Variants in GREB1 observed in about 807,000 individuals in gnomAD.
GREB1 encodes protein GREB1.
GREB1 carries 106 observed loss-of-function variants against 200.7 expected under a neutral mutation model. The observed-to-expected ratio is 0.53, with a 90% CI of 0.45 to 0.62. GREB1 has a LOEUF of 0.62. GREB1 is among the 20% of genes least tolerant of loss of function. The pLI, the probability that GREB1 is intolerant of heterozygous loss-of-function variation, is 0.00. For missense variants in GREB1, 2,243 were observed against 2,556.8 expected, an observed-to-expected ratio of 0.88 and a Z score of 2.65; for synonymous variants, 1,132 against 1,092.4, an observed-to-expected ratio of 1.04 and a Z score of -0.72.
At chr2:11,514,985 TCC>T (rs1367829256) in intron 1 of GREB1, among the ~76,000 whole-genome samples, 11 of 151,838 alleles carry the variant, frequency 7.2e-5, no homozygotes, top group East Asian at 3.9e-4. Flanking sequence ...CATCCATCCA[TCC>T]GCGCATGTGT....
intron 1 of GREB1, among the ~76,000 whole-genome samples, chr2:11,541,374 T>C (rs1674726127): frequency 6.6e-6 from 1 of 151,676 alleles, no homozygotes; most frequent in Non-Finnish European, 1.5e-5. Context: ...GAGGAGAGGG[T>C]ATCACACCGC....
chr2:11,495,795 C>CCTTTTTTTTT (rs1393933225), intron 1 of GREB1, among the ~76,000 whole-genome samples: 6 of 140,462 alleles, frequency 4.3e-5, no homozygotes, highest in African/African-American at 1.6e-4. Flanking sequence ...TAAGTCCCCC[C>CCTTTTTTTTT]GTTTTTTTTT....
chr2:11,509,466 G>A (rs887619317), intron 1 of GREB1, among the ~76,000 whole-genome samples: 1 of 27,818 alleles, frequency 3.6e-5, no homozygotes. Context: ...ATCTCTAAAG[G>A]TGTTCTCTTT....
intron 30 of GREB1, among the ~76,000 whole-genome samples, chr2:11,636,241 G>A (rs1472695539): frequency 2.0e-5 from 3 of 152,174 alleles, no homozygotes; most frequent in African/African-American, 4.8e-5. Flanking sequence ...GAGATCTTAC[G>A]ATTGTGTGAG....
chr2:11,598,060 T>G (rs1681428494), intron 14 of GREB1, 82 bp downstream of exon 14: 4 of 1,005,186 alleles, frequency 4.0e-6, no homozygotes, highest in Admixed American at 1.7e-5. Context: ...ACACTGTTCT[T>G]TGCTATAGAG....
chr2:11,621,107 A>ATT (rs1683976745), intron 23 of GREB1, 100 bp downstream of exon 23: 1 of 773,656 alleles, frequency 1.3e-6, no homozygotes, highest in Non-Finnish European at 2.3e-6. Flanking sequence ...GAATTCTCAG[A>ATT]TTCATGATCA....
intron 9 of GREB1, chr2:11,588,099 C>T (rs147486184): frequency 8.7e-4 from 349 of 400,104 alleles, no homozygotes; most frequent in Non-Finnish European, 1.1e-3. Flanking sequence ...GGTGGTGATG[C>T]GCACCTGTCA....
intron 7 of GREB1, chr2:11,581,305 G>T: frequency 2.3e-6 from 1 of 425,636 alleles, no homozygotes; most frequent in Non-Finnish European, 4.2e-6. Flanking sequence ...GAGGGATGAG[G>T]TGCTGTATGA....
intron 11 of GREB1, among the ~76,000 whole-genome samples, chr2:11,594,732 G>A (rs192062944): frequency 1.2e-4 from 19 of 152,126 alleles, no homozygotes; most frequent in Non-Finnish European, 2.2e-4. Context: ...TCGCTCTGTC[G>A]CCCAGGCTGG....
At chr2:11,630,231 G>GGAGGCTGGTGTCGCGCAC in intron 26 of GREB1, 122 bp downstream of exon 26, 1 of 916,952 alleles carries the variant, frequency 1.1e-6, no homozygotes, top group Non-Finnish European at 1.6e-6. Context: ...TGAACTTGGA[G>GGAGGCTGGTGTCGCGCAC]GAGGCTGGTG....
chr2:11,567,611 G>A (rs112063097), intron 4 of GREB1, among the ~76,000 whole-genome samples: 67 of 152,254 alleles, frequency 4.4e-4, no homozygotes, highest in African/African-American at 1.3e-3. Flanking sequence ...GGGAGCCACC[G>A]TTTTCCCTTC....
At chr2:11,612,295 A>T in intron 18 of GREB1, 200 bp from the exon 19 acceptor site, 1 of 1,300,644 alleles carries the variant, frequency 7.7e-7, no homozygotes, top group Non-Finnish European at 9.9e-7. Context: ...CTGGCTGGCT[A>T]ATCTCCATGT....
At chr2:11,550,100 T>G (rs1675662152) in intron 1 of GREB1, among the ~76,000 whole-genome samples, 1 of 152,112 alleles carries the variant, frequency 6.6e-6, no homozygotes, top group African/African-American at 2.4e-5. Context: ...GCGCCTGTAA[T>G]CCCAGCTACT....
intron 7 of GREB1, among the ~76,000 whole-genome samples, chr2:11,583,759 T>TGA (rs1679761024): frequency 6.6e-6 from 1 of 152,032 alleles, no homozygotes; most frequent in Admixed American, 6.5e-5. Flanking sequence ...CTCGGGAGAC[T>TGA]GAGGCAGGAG....
Position 11,585,879 on chromosome 2 carries a change from G to A in GREB1, c.1133G>A (p.Cys378Tyr). The change falls in exon 9 of 33, where the codon TGC becomes TAC. Residue 378 changes from cysteine to tyrosine, a missense_variant. Cys to Tyr is a radical substitution (Grantham distance 194, BLOSUM62 -2). Coordinates refer to ENST00000381486, the MANE Select transcript of GREB1 (RefSeq NM_014668.4). The stretch of plus-strand genomic sequence containing the variant: ...GTTCCTGACAACTTGCTGAAAATAT[G>A]CAAGGCCAAGCCAGTGATATTTAAA... ...VSVPDNLLKI[C>Y]KAKPVIFKGH... is the part of the protein sequence containing the mutation. 1 of 1,614,024 alleles carries A rather than the reference G, an allele frequency of 6.2e-7. No homozygotes were observed. Among genetic ancestry groups the A allele is most frequent in the Non-Finnish European group, 8.5e-7 (1 of 1,180,042 alleles).
At chr2:11,607,003 G>A (rs1226657107) in intron 17 of GREB1, among the ~76,000 whole-genome samples, 2 of 151,862 alleles carry the variant, frequency 1.3e-5, no homozygotes, top group African/African-American at 2.4e-5. Flanking sequence ...GGATGGTCTC[G>A]ATCTCCTGAC....
At chr2:11,592,178 T>C (rs1258482631) in intron 10 of GREB1, 1 of 629,690 alleles carries the variant, frequency 1.6e-6, no homozygotes, top group Non-Finnish European at 2.0e-6. Flanking sequence ...GCTTCCTACT[T>C]TTTTTTTTCT....
intron 7 of GREB1, among the ~76,000 whole-genome samples, chr2:11,583,129 T>C (rs952584276): frequency 1.3e-5 from 2 of 152,194 alleles, no homozygotes; most frequent in African/African-American, 4.8e-5. Context: ...GTGACATCAT[T>C]TGGGAAGAGC....
Position 11,576,510 on chromosome 2 carries a change from A to C in GREB1, c.612A>C (p.Gly204=). 6.2e-7 allele frequency: 1 copy of C among 1,613,294 alleles called. No individual in the cohort carries two copies. Among genetic ancestry groups the C allele is most frequent in the African/African-American group, 1.3e-5 (1 of 74,990 alleles). ...VRNAQGTLTK[G]PLICWKGSEF... ...ATGCACAAGGGACTCTAACCAAAGGACCTTTAATCTGTTGGAAAGGCTCAG... is the reference window on the plus strand; with the variant it reads ...ATGCACAAGGGACTCTAACCAAAGGCCCTTTAATCTGTTGGAAAGGCTCAG... Residue 204 remains glycine, a synonymous_variant, in exon 5 of 33, where the codon GGA becomes GGC. Transcript: ENST00000381486.
Sources: allele counts gnomAD v4.1 joint callset (sites outside exome capture counted in the v4.1 genomes callset), GRCh38; gene constraint gnomAD v4.1.1; transcripts MANE v1.5; gene names NCBI Gene and HGNC (gene_info 2026-07-23, HGNC 2026-07-21).